The following GRIN1 variants were observed in gnomAD, a reference collection of about 807,000 sequenced individuals.
GRIN1 encodes glutamate ionotropic receptor NMDA type subunit 1, also known as glutamate receptor ionotropic, NMDA 1.
A neutral mutation model predicts 103.0 loss-of-function variants in GRIN1; 38 were observed. The observed-to-expected ratio is 0.37, with a 90% CI of 0.28 to 0.48. The LOEUF is 0.48. GRIN1 is among the 20% of genes least tolerant of loss of function. The probability of loss-of-function intolerance (pLI) is 0.98; values close to 1 mark genes in which losing one functional copy is unlikely to be tolerated. For missense variants in GRIN1, 577 were observed against 1,288.9 expected (o/e 0.45, Z 8.46); for synonymous variants, 544 against 532.7 (o/e 1.02, Z -0.29).
intron 18 of GRIN1, chr9:137,164,263 T>A: frequency 2.7e-6 from 1 of 369,662 alleles, no homozygotes; most frequent in Non-Finnish European, 5.2e-6. Context: ...CAAGATGCAT[T>A]TTGCCCTCCG....
Position 137,139,643 on chromosome 9 carries a change from C to G in GRIN1, c.157C>G (p.His53Asp). The G allele has an allele frequency of 6.2e-7, 1 of 1,613,916 alleles. No homozygotes were observed. Among genetic ancestry groups the G allele is most frequent in the African/African-American group, 1.3e-5 (1 of 75,068 alleles). ...REAVNQANKRHGSWKIQLNAT... is the reference protein window; with the variant it reads ...REAVNQANKRDGSWKIQLNAT... ...GGCCGTGAACCAGGCCAACAAGCGG[C>G]ACGGCTCCTGGAAGATTCAGCTCAA... The change falls in exon 1 of 20, where the codon CAC becomes GAC. Residue 53 changes from histidine (H) to aspartate (D), a missense_variant. Physicochemically the swap from His to Asp is moderately conservative, Grantham distance 81. Around this residue, in one of 9 missense-constraint regions of GRIN1, gnomAD observed 308 missense variants for 553.6 expected, o/e 0.56. Transcript: ENST00000371561. The surrounding 1 kb of genome is among the most constrained non-coding windows in gnomAD (Gnocchi z 7.7).
intron 4 of GRIN1, among the ~76,000 whole-genome samples, chr9:137,155,675 G>T (rs1201802603): frequency 6.6e-6 from 1 of 152,202 alleles, no homozygotes; most frequent in African/African-American, 2.4e-5. Flanking sequence ...ACGGGGGTGA[G>T]GGAAGACCCC....
At chr9:137,165,959 G>T (rs986271472) in intron 19 of GRIN1, among the ~76,000 whole-genome samples, 2 of 152,218 alleles carry the variant, frequency 1.3e-5, no homozygotes, top group African/African-American at 2.4e-5. Context: ...AACTGGCCCC[G>T]GCCACAGGGG....
chr9:137,158,250 A>C, intron 6 of GRIN1, 129 bp from the exon 7 acceptor site: 94 of 940,256 alleles, frequency 1.0e-4, no homozygotes, highest in Non-Finnish European at 1.3e-4. Context: ...CAAGCTGCTC[A>C]GCCGGCAGGA....
chr9:137,156,579 T>G, intron 4 of GRIN1, 90 bp from the exon 5 acceptor site: 1 of 1,523,814 alleles, frequency 6.6e-7, no homozygotes, highest in South Asian at 1.2e-5. Flanking sequence ...GCTGGGCAGG[T>G]CCCTGCTCCA....
intron 3 of GRIN1, 90 bp from the exon 4 acceptor site, chr9:137,148,919 G>C: frequency 1.1e-6 from 1 of 931,778 alleles, no homozygotes; most frequent in African/African-American, 1.6e-5. Flanking sequence ...AGCTGCCTCG[G>C]GGTTCCCAGC....
At chr9:137,150,562 A>C (rs1013433982) in intron 4 of GRIN1, among the ~76,000 whole-genome samples, 1 of 147,968 alleles carries the variant, frequency 6.8e-6, no homozygotes, top group Non-Finnish European at 1.5e-5. Context: ...GCCCAGAAAA[A>C]AGACCTGCCC....
rs1362270690 is a variant in GRIN1 at position 137,157,043 on chromosome 9, C to T, written c.968+6C>T. 3 of 1,200,634 alleles carry T rather than the reference C, an allele frequency of 2.5e-6. No homozygotes were observed. The highest frequency in any genetic ancestry group is 2.3e-4 in the Middle Eastern group (1 of 4,302). 74.4% of individuals were successfully genotyped at this position (1,200,634 alleles called of 1,614,324 possible). ...ACCGGGCCGCTCTTCAAGAGGTGGG[C>T]GGGGCCTCCCCGGAGCTGGGCGGGG... On this transcript the variant is annotated splice_donor_region_variant and intron_variant, in intron 6 of 19. Transcript: ENST00000371561.
chr9:137,158,829 G>A (rs1833377168), intron 8 of GRIN1, 125 bp downstream of exon 8: 1 of 742,540 alleles, frequency 1.3e-6, no homozygotes, highest in Non-Finnish European at 2.4e-6. Context: ...GGTGGGGCCT[G>A]CTTCCCCTGG....
intron 6 of GRIN1, 89 bp from the exon 7 acceptor site, chr9:137,158,290 G>A (rs1786011290): frequency 1.4e-6 from 2 of 1,418,010 alleles, no homozygotes; most frequent in Admixed American, 1.7e-5. Flanking sequence ...GCAGGGGGAA[G>A]GAGCAGGGAG....
intron 4 of GRIN1, among the ~76,000 whole-genome samples, chr9:137,151,055 C>T (rs1415631143): frequency 3.5e-5 from 5 of 144,722 alleles, no homozygotes; most frequent in Non-Finnish European, 3.0e-5. Flanking sequence ...AGAAAAAGTC[C>T]CGCCCAGGGA....
At chr9:137,161,730 C>T (rs1328638766) in intron 10 of GRIN1, among the ~76,000 whole-genome samples, 194 bp from the exon 11 acceptor site, 2 of 136,864 alleles carry the variant, frequency 1.5e-5, no homozygotes, top group Admixed American at 1.5e-4. Flanking sequence ...GGCCTGCTGG[C>T]TGTGGTGGGG....
In GRIN1 at chr9:137,168,210, C is replaced by T. The variant is rs200476392; in HGVS notation, c.*683C>T. The T allele has an allele frequency of 1.8e-5, 6 of 342,570 alleles. No individual in the cohort carries two copies. The highest frequency in any genetic ancestry group is 2.7e-5 in the Non-Finnish European group (5 of 185,112). 21.2% of individuals were successfully genotyped at this position (342,570 alleles called of 1,614,324 possible). ...CACCAGCCTGAGCCACAGTGGGGCC[C>T]ATGGCCCCAGCTGGCTGGGTCGCCC... On this transcript the variant is annotated 3_prime_UTR_variant, in exon 20 of 20. Coordinates refer to ENST00000371561, the MANE Select transcript of GRIN1 (RefSeq NM_007327.4).
rs746809860 is a variant in GRIN1 at position 137,165,173 on chromosome 9, A to G, written c.2590-13A>G. On this transcript the variant is annotated splice_polypyrimidine_tract_variant and intron_variant, in intron 18 of 19. Transcript: ENST00000371561. The stretch of plus-strand genomic sequence containing the variant: ...ACCCTAGCCATCTAATCACTTATAC[A>G]TATTCATTTTAGGATAGAAAGAGTG... 1.9e-6 allele frequency: 3 copies of G among 1,555,282 alleles called. No individual in the cohort carries two copies. The highest frequency in any genetic ancestry group is 1.4e-5 in the African/African-American group (1 of 73,850).
intron 4 of GRIN1, among the ~76,000 whole-genome samples, chr9:137,151,517 CACTT>C: frequency 6.6e-6 from 1 of 151,532 alleles, no homozygotes; most frequent in Non-Finnish European, 1.5e-5. Flanking sequence ...GAGAAATTCC[CACTT>C]AGAGAAATTC....
Position 137,149,077 on chromosome 9 carries a change from G to T in GRIN1, c.639G>T (p.Glu213Asp). The part of the protein sequence containing the change: ...NVTALLMEAK[E>D]LEARVIILSA... ...CGGCCCTGCTGATGGAGGCGAAAGA[G>T]CTGGAGGCCCGGGTCATCATCCTTT... The change falls in exon 4 of 20, where the codon GAG (glutamate) becomes GAT (aspartate). Residue 213 changes from glutamate (E) to aspartate (D), a missense_variant. Glu to Asp is a conservative substitution (Grantham distance 45). This residue lies in a region of GRIN1 where 308 missense variants were observed against 553.6 expected (regional missense o/e 0.56). Transcript: ENST00000371561. 2 of 1,612,974 alleles carry T rather than the reference G, an allele frequency of 1.2e-6. No homozygotes were observed. The highest frequency in any genetic ancestry group is 1.7e-6 in the Non-Finnish European group (2 of 1,179,326).
intron 6 of GRIN1, among the ~76,000 whole-genome samples, chr9:137,158,107 C>G (rs927444871): frequency 6.6e-6 from 1 of 152,226 alleles, no homozygotes; most frequent in Non-Finnish European, 1.5e-5. Context: ...CCACAGAAAG[C>G]CGGGTCTGGC....
intron 4 of GRIN1, among the ~76,000 whole-genome samples, chr9:137,150,156 G>A (rs1832758019): frequency 6.6e-6 from 1 of 152,124 alleles, no homozygotes; most frequent in African/African-American, 2.4e-5. Flanking sequence ...CCCTGCACTC[G>A]GCTTTAAGCT....
chr9:137,159,530 GT>G (rs368484058), intron 8 of GRIN1, among the ~76,000 whole-genome samples: 121 of 152,294 alleles, frequency 7.9e-4, no homozygotes, highest in African/African-American at 2.9e-3. Flanking sequence ...ACAGGGTGGG[GT>G]TTTCCAGTGC....
Sources: allele counts gnomAD v4.1 joint callset (sites outside exome capture counted in the v4.1 genomes callset), GRCh38; gene constraint gnomAD v4.1.1; regional missense constraint gnomAD v4.1.1; non-coding constraint Gnocchi (gnomAD v3.1); transcripts MANE v1.5; gene names NCBI Gene and HGNC (gene_info 2026-07-23, HGNC 2026-07-21).